HHAT: variants seen among roughly 807,000 people sequenced by gnomAD.
The protein encoded by HHAT is protein-cysteine N-palmitoyltransferase HHAT.
A neutral mutation model predicts 70.8 loss-of-function variants in HHAT; 47 were observed. The observed-to-expected ratio is 0.66, with a 90% CI of 0.53 to 0.85. The LOEUF (loss-of-function observed/expected upper bound fraction) is 0.85, where lower values mean the gene tolerates loss of function less well. HHAT is among the 40% of genes least tolerant of loss of function. The pLI is 0.00. For synonymous variants in HHAT, 228 were observed against 247.6 expected, an observed-to-expected ratio of 0.92 and a Z score of 0.74; for missense variants, 609 against 604.8, an observed-to-expected ratio of 1.01 and a Z score of -0.07.
At chr1:210,457,482 C>T (rs3753224) in intron 7 of HHAT, among the ~76,000 whole-genome samples, 17,858 of 152,098 alleles carry the variant, frequency 0.12, 1,152 homozygotes, top group Middle Eastern at 0.18. Context: ...GGTCAGGCCA[C>T]GGACTGACAC....
intron 8 of HHAT, among the ~76,000 whole-genome samples, chr1:210,485,686 A>G (rs2094463727): frequency 6.6e-6 from 1 of 152,170 alleles, no homozygotes; most frequent in Non-Finnish European, 1.5e-5. Flanking sequence ...GGATGGCAGC[A>G]GACAAAGAGA....
At chr1:210,566,053 T>C (rs145022684) in intron 9 of HHAT, among the ~76,000 whole-genome samples, 117 of 152,334 alleles carry the variant, frequency 7.7e-4, no homozygotes, top group African/African-American at 2.8e-3. Context: ...CACTGAACTT[T>C]TTTTATCACC....
At chr1:210,385,252 C>CTTT (rs55887436) in intron 3 of HHAT, among the ~76,000 whole-genome samples, 2,996 of 138,818 alleles carry the variant, frequency 0.022, 36 homozygotes, top group African/African-American at 0.025. Context: ...ATATGTTTTT[C>CTTT]TTTTTTTTTT....
chr1:210,555,149 T>G (rs189383604), intron 9 of HHAT, among the ~76,000 whole-genome samples: 3 of 152,030 alleles, frequency 2.0e-5, no homozygotes, highest in Non-Finnish European at 4.4e-5. Context: ...TTAGAAACAT[T>G]TGCCACAAAG....
chr1:210,444,776 A>C (rs2093600762), intron 7 of HHAT, among the ~76,000 whole-genome samples: 1 of 152,080 alleles, frequency 6.6e-6, no homozygotes, highest in East Asian at 1.9e-4. Context: ...AGCCTCCCAA[A>C]GTGCTGAGTT....
intron 4 of HHAT, among the ~76,000 whole-genome samples, chr1:210,390,310 TC>T (rs1313634425): frequency 1.2e-4 from 19 of 152,234 alleles, no homozygotes; most frequent in Admixed American, 9.8e-4. Context: ...TTAAACCCCC[TC>T]TCCCTCTGAC....
intron 8 of HHAT, among the ~76,000 whole-genome samples, chr1:210,500,314 T>G (rs1180657979): frequency 6.6e-6 from 1 of 152,250 alleles, no homozygotes; most frequent in Non-Finnish European, 1.5e-5. Context: ...TATAAAAATA[T>G]ACATGCAGGA....
chr1:210,601,956 A>AGAGAGAGAGAGAGT (rs374229402), intron 10 of HHAT, among the ~76,000 whole-genome samples: 13 of 91,174 alleles, frequency 1.4e-4, no homozygotes, highest in Admixed American at 5.6e-4. Flanking sequence ...AGAGAGAGAG[A>AGAGAGAGAGAGAGT]GTATGTGTGT....
chr1:210,387,800 G>A (rs1415676801), intron 4 of HHAT, among the ~76,000 whole-genome samples: 4 of 152,148 alleles, frequency 2.6e-5, no homozygotes, highest in Non-Finnish European at 5.9e-5. Context: ...GAATATAAAG[G>A]TTGTAGTGTA....
chr1:210,648,072 G>A (rs1222728748), intron 11 of HHAT, among the ~76,000 whole-genome samples: 2 of 152,118 alleles, frequency 1.3e-5, no homozygotes, highest in East Asian at 3.9e-4. Context: ...CCTTTCCTGG[G>A]TGCTGGCAGG....
At chr1:210,481,733 G>A (rs1032596343) in intron 8 of HHAT, among the ~76,000 whole-genome samples, 1 of 152,300 alleles carries the variant, frequency 6.6e-6, no homozygotes, top group African/African-American at 2.4e-5. Flanking sequence ...TGATTTTAAG[G>A]TTACAAATAA....
chr1:210,649,513 A>G (rs1391766209), intron 11 of HHAT, among the ~76,000 whole-genome samples: 1 of 152,246 alleles, frequency 6.6e-6, no homozygotes. Flanking sequence ...ACACAGACCT[A>G]TATGACCCTC....
At chr1:210,427,323 T>C (rs534623444) in intron 7 of HHAT, among the ~76,000 whole-genome samples, 1 of 152,188 alleles carries the variant, frequency 6.6e-6, no homozygotes, top group Admixed American at 6.5e-5. Flanking sequence ...TCTGATTTTG[T>C]TTATTTCTTG....
chr1:210,643,235 C>T (rs976569826), intron 11 of HHAT, among the ~76,000 whole-genome samples: 2 of 152,186 alleles, frequency 1.3e-5, no homozygotes, highest in Non-Finnish European at 2.9e-5. Context: ...AATCTTCATT[C>T]TTCAAAATTG....
rs369059916 is a variant in HHAT, at chr1:210,348,938, C to T, written c.-38C>T. ...GTTTTGTCTCTGTTTCTCAGAAACT[C>T]TCAGCGTAGGCATCGGGAACCTTCG... On this transcript the variant is annotated 5_prime_UTR_variant, in exon 2 of 12. Coordinates refer to ENST00000261458, the MANE Select transcript of HHAT (RefSeq NM_018194.6). 13 of 1,606,802 alleles carry T rather than the reference C, an allele frequency of 8.1e-6. No individual in the cohort carries two copies. The highest frequency in any genetic ancestry group is 1.1e-5 in the Non-Finnish European group (13 of 1,178,010).
intron 11 of HHAT, among the ~76,000 whole-genome samples, chr1:210,642,339 C>G (rs1289608499): frequency 1.3e-5 from 2 of 152,150 alleles, no homozygotes; most frequent in Non-Finnish European, 2.9e-5. Flanking sequence ...TAGATTGAGA[C>G]TGTTAAAAAC....
intron 9 of HHAT, among the ~76,000 whole-genome samples, chr1:210,530,511 C>A (rs4132902): frequency 0.65 from 98,588 of 152,040 alleles, 32,733 homozygotes; most frequent in East Asian, 0.87. Flanking sequence ...GTGACAGTAC[C>A]GGCAGGGACT....
intron 9 of HHAT, among the ~76,000 whole-genome samples, chr1:210,545,416 G>A (rs1311878259): frequency 6.8e-6 from 1 of 147,940 alleles, no homozygotes; most frequent in Non-Finnish European, 1.5e-5. Context: ...ACTCAATTTA[G>A]TCATGACTTC....
At chr1:210,614,830 G>T (rs1482646673) in intron 10 of HHAT, among the ~76,000 whole-genome samples, 1 of 152,180 alleles carries the variant, frequency 6.6e-6, no homozygotes, top group African/African-American at 2.4e-5. Flanking sequence ...ATTTGGGTTG[G>T]TTCCAAGTCT....
Sources: allele counts gnomAD v4.1 joint callset (sites outside exome capture counted in the v4.1 genomes callset), GRCh38; gene constraint gnomAD v4.1.1; transcripts MANE v1.5; gene names NCBI Gene and HGNC (gene_info 2026-07-23, HGNC 2026-07-21).